ACAD8: variants seen among roughly 807,000 people sequenced by gnomAD.
ACAD8 encodes acyl-CoA dehydrogenase family member 8.
ACAD8 carries 47 observed loss-of-function variants against 53.1 expected under a neutral mutation model. The observed-to-expected ratio is 0.89, with a 90% CI of 0.70 to 1.13. ACAD8 has a LOEUF of 1.13. Ranked by LOEUF, ACAD8 falls within the 50% of genes most tolerant of loss-of-function variation. The pLI is 0.00. For missense variants in ACAD8, 494 were observed against 535.0 expected, an observed-to-expected ratio of 0.92 and a Z score of 0.76; for synonymous variants, 198 against 201.3, an observed-to-expected ratio of 0.98 and a Z score of 0.14.
chr11:134,254,739 A>G (rs1455482529), intron 1 of ACAD8, among the ~76,000 whole-genome samples: 1 of 152,238 alleles, frequency 6.6e-6, no homozygotes, highest in African/African-American at 2.4e-5. Context: ...TCTTGCTTAC[A>G]CTTGAGTGGC....
chr11:134,264,798 G>C (rs1324711244), intron 10 of ACAD8, 110 bp from the exon 11 acceptor site: 1 of 935,070 alleles, frequency 1.1e-6, no homozygotes, highest in African/African-American at 1.6e-5. Flanking sequence ...AATGATTGTA[G>C]TTTAAATCTG....
In ACAD8 at chr11:134,256,640, G is replaced by T. The variant is rs1310676331; in HGVS notation, c.202G>T (p.Asp68Tyr). ...GATGGCTCCAAATATGGCAGAGTGG[G>T]ACCAGAAGGTAGGCGTTTTTCTTGT... ...REMAPNMAEW[D>Y]QKELFPVDVM... Residue 68 changes from aspartate to tyrosine, a missense_variant, in exon 2 of 11, where the codon GAC becomes TAC. By Grantham distance (160) the Asp-to-Tyr change is radical (BLOSUM62 -3). Transcript: ENST00000281182. 6.2e-7 allele frequency: 1 copy of T among 1,614,168 alleles called. No individual in the cohort carries two copies.
intron 10 of ACAD8, chr11:134,263,904 T>G (rs1010127781): frequency 2.7e-5 from 27 of 985,272 alleles, no homozygotes; most frequent in Non-Finnish European, 3.1e-5. Context: ...CTCGAGGGGG[T>G]TTATATTTCT....
At chr11:134,259,216 C>A in intron 5 of ACAD8, 132 bp downstream of exon 5, 1 of 808,682 alleles carries the variant, frequency 1.2e-6, no homozygotes, top group East Asian at 2.6e-5. Context: ...AACCTCTGAC[C>A]CATTTCTCTT....
intron 3 of ACAD8, chr11:134,258,266 T>TGCTCGTGTA: frequency 1.8e-6 from 1 of 556,172 alleles, no homozygotes; most frequent in South Asian, 2.0e-5. Context: ...GTAACCTAAC[T>TGCTCGTGTA]AGAAGTAGTA....
intron 1 of ACAD8, among the ~76,000 whole-genome samples, 174 bp downstream of exon 1, chr11:134,253,883 GC>G (rs35504315): frequency 3.5e-5 from 5 of 144,334 alleles, no homozygotes; most frequent in Non-Finnish European, 6.1e-5. Context: ...CGGCCTGGCT[GC>G]CCCCTCCGGT....
intron 1 of ACAD8, 144 bp from the exon 2 acceptor site, chr11:134,256,404 A>G (rs1438878206): frequency 1.4e-6 from 1 of 690,718 alleles, no homozygotes; most frequent in Non-Finnish European, 2.6e-6. Flanking sequence ...AGAAGCTGCC[A>G]TTCTCTAGCT....
rs527890266 is a variant in ACAD8, at chr11:134,261,315, C to T, written c.882C>T (p.Leu294=). The change falls in exon 8 of 11, where the codon CTC becomes CTT. Residue 294 remains leucine (L), a synonymous_variant. Coordinates refer to ENST00000281182, the MANE Select transcript of ACAD8 (RefSeq NM_014384.3). The surrounding 1 kb of genome is among the most constrained non-coding windows in gnomAD (Gnocchi z 4.2). ...SLGAAHASVI[L]TRDHLNVRKQ... Reference sequence around the variant, plus strand: ...GGGCTGCCCACGCCTCTGTCATCCTCACCCGAGACCACCTCAATGTCCGGA... The same window carrying T: ...GGGCTGCCCACGCCTCTGTCATCCTTACCCGAGACCACCTCAATGTCCGGA... 14 of 1,614,188 alleles carry T rather than the reference C, an allele frequency of 8.7e-6. No individual in the cohort carries two copies. In the East Asian group the frequency reaches 2.2e-4, roughly 26 times the overall value.
chr11:134,257,120 A>T lies in ACAD8; in HGVS notation c.243A>T (p.Ala81=). ...ELFPVDVMRK[A]AQLGFGGVYI... Reference sequence around the variant, plus strand: ...TCCCAGTGGATGTGATGCGGAAGGCAGCCCAGCTAGGCTTCGGAGGGGTCT... The same window carrying T: ...TCCCAGTGGATGTGATGCGGAAGGCTGCCCAGCTAGGCTTCGGAGGGGTCT... Residue 81 remains alanine (A), a synonymous_variant, in exon 3 of 11, where the codon GCA becomes GCT. Transcript: ENST00000281182. The T allele has an allele frequency of 6.2e-7, 1 of 1,614,206 alleles. No homozygotes were observed. The highest frequency in any genetic ancestry group is 8.5e-7 in the Non-Finnish European group (1 of 1,180,048).
intron 3 of ACAD8, chr11:134,257,998 T>C: frequency 5.1e-6 from 1 of 195,542 alleles, no homozygotes; most frequent in Non-Finnish European, 1.1e-5. Context: ...TACAGGCACG[T>C]GCCACCACAC....
At position 134,261,365 on chromosome 11, in the gene ACAD8, G is replaced by C. The variant is rs778637892; in HGVS notation, c.932G>C (p.Ser311Thr). ...VRKQFGEPLA[S>T]NQYLQFTLAD... ...AAGCAGTTTGGAGAGCCTCTGGCCA[G>C]TAACCAGGTAACCTCTGCCTTGCCT... is the stretch of plus-strand genomic sequence containing the variant. Residue 311 changes from serine (S) to threonine (T), a missense_variant, in exon 8 of 11, where the codon AGT becomes ACT. Ser to Thr is a moderately conservative substitution (Grantham distance 58). Transcript: ENST00000281182. This position sits in a 1 kb window ranked among gnomAD's most constrained non-coding sequence, Gnocchi z 4.2. 1 of 1,614,142 alleles carries C rather than the reference G, an allele frequency of 6.2e-7. No homozygotes were observed. Among genetic ancestry groups the C allele is most frequent in the East Asian group, 2.2e-5 (1 of 44,872 alleles).
At position 134,256,637 on chromosome 11, in the gene ACAD8, T is replaced by A; in HGVS notation, c.199T>A (p.Trp67Arg). 6.2e-7 allele frequency: 1 copy of A among 1,614,086 alleles called. No individual in the cohort carries two copies. Among genetic ancestry groups the A allele is most frequent in the Non-Finnish European group, 8.5e-7 (1 of 1,179,998 alleles). ...AREMAPNMAEWDQKELFPVDV... is the reference protein window; with the variant it reads ...AREMAPNMAERDQKELFPVDV... ...AGAGATGGCTCCAAATATGGCAGAG[T>A]GGGACCAGAAGGTAGGCGTTTTTCT... Residue 67 changes from tryptophan to arginine, a missense_variant, in exon 2 of 11, where the codon TGG becomes AGG. Physicochemically the swap from Trp to Arg is moderately radical, Grantham distance 101. Coordinates refer to ENST00000281182, the MANE Select transcript of ACAD8 (RefSeq NM_014384.3).
At chr11:134,264,099 C>T (rs1591518863) in intron 10 of ACAD8, 9 of 964,534 alleles carry the variant, frequency 9.3e-6, no homozygotes, top group Non-Finnish European at 1.1e-5. Flanking sequence ...AATCGCCGCA[C>T]TTTGGGAGGC....
chr11:134,264,890 C>T lies in ACAD8; in HGVS notation c.1196-18C>T. ...ACTTTGCTGCTGTGAAATTCTTCCT[C>T]CTTCCTCCCTCTTACAGGTAGCAAT... is the stretch of plus-strand genomic sequence containing the variant. On this transcript the variant is annotated intron_variant, in intron 10 of 10. Transcript: ENST00000281182. 1 of 1,613,486 alleles carries T rather than the reference C, an allele frequency of 6.2e-7. No individual in the cohort carries two copies. Among genetic ancestry groups the T allele is most frequent in the Non-Finnish European group, 8.5e-7 (1 of 1,179,364 alleles).
chr11:134,262,965 C>T (rs1320939641), intron 10 of ACAD8: 1 of 1,240,946 alleles, frequency 8.1e-7, no homozygotes, highest in African/African-American at 1.6e-5. Context: ...CTCAGGGATC[C>T]AAGAACAGTG....
At position 134,259,042 on chromosome 11, in the gene ACAD8, C is replaced by T. The variant is rs142343253; in HGVS notation, c.525C>T (p.Ser175=). 1.4e-5 allele frequency: 23 copies of T among 1,614,048 alleles called. No individual in the cohort carries two copies. Among genetic ancestry groups the T allele is most frequent in the African/African-American group, 5.3e-5 (4 of 74,892 alleles). ...GTGATGCTGCCTCTCTTCTGACCTCCGCTAAGAAACAGGGAGATCATTACA... is the reference window on the plus strand; with the variant it reads ...GTGATGCTGCCTCTCTTCTGACCTCTGCTAAGAAACAGGGAGATCATTACA... ...SGSDAASLLT[S]AKKQGDHYIL... Residue 175 remains serine (S), a synonymous_variant, in exon 5 of 11, where the codon TCC becomes TCT. Coordinates refer to ENST00000281182, the MANE Select transcript of ACAD8 (RefSeq NM_014384.3).
intron 1 of ACAD8, among the ~76,000 whole-genome samples, chr11:134,255,004 G>C: frequency 6.6e-6 from 1 of 152,196 alleles, no homozygotes; most frequent in East Asian, 1.9e-4. Context: ...ATGCAACTCA[G>C]ATTTATTTCT....
In ACAD8 at chr11:134,259,651, T is replaced by C. The variant is rs1939759468; in HGVS notation, c.611T>C (p.Met204Thr). 4 of 1,614,074 alleles carry C rather than the reference T, an allele frequency of 2.5e-6. No individual in the cohort carries two copies. Among genetic ancestry groups the C allele is most frequent in the Non-Finnish European group, 2.5e-6 (3 of 1,180,038 alleles). Reference protein sequence around the residue: ...GAGESDIYVVMCRTGGPGPKG... With the variant: ...GAGESDIYVVTCRTGGPGPKG... Reference sequence around the variant, plus strand: ...GGTGAGTCAGACATCTATGTGGTCATGTGCCGAACAGGAGGACCAGGCCCC... The same window carrying C: ...GGTGAGTCAGACATCTATGTGGTCACGTGCCGAACAGGAGGACCAGGCCCC... The change falls in exon 6 of 11, where the codon ATG becomes ACG. Residue 204 changes from methionine (M) to threonine (T), a missense_variant. By Grantham distance (81) the Met-to-Thr change is moderately conservative. Coordinates refer to ENST00000281182, the MANE Select transcript of ACAD8 (RefSeq NM_014384.3).
intron 1 of ACAD8, 79 bp from the exon 2 acceptor site, chr11:134,256,469 T>A: frequency 8.9e-7 from 1 of 1,125,804 alleles, no homozygotes; most frequent in South Asian, 1.3e-5. Flanking sequence ...TTTCACAACT[T>A]CGTGGTGCTT....
Sources: allele counts gnomAD v4.1 joint callset (sites outside exome capture counted in the v4.1 genomes callset), GRCh38; gene constraint gnomAD v4.1.1; non-coding constraint Gnocchi (gnomAD v3.1); transcripts MANE v1.5; gene names NCBI Gene and HGNC (gene_info 2026-07-23, HGNC 2026-07-21).